Variants in CDK4 observed in about 807,000 individuals in gnomAD.
CDK4 encodes the protein cyclin dependent kinase 4.
In CDK4, 13 loss-of-function variants were observed where a neutral mutation model predicts 36.7. The observed-to-expected ratio is 0.35, with a 90% CI of 0.23 to 0.56. The LOEUF (loss-of-function observed/expected upper bound fraction) is 0.56. Ranked by LOEUF, CDK4 falls within the 20% of genes least tolerant of loss-of-function variation. The pLI is 0.85. For synonymous variants in CDK4, 158 were observed against 146.4 expected, an observed-to-expected ratio of 1.08 and a Z score of -0.57; for missense variants, 285 against 387.3, an observed-to-expected ratio of 0.74 and a Z score of 2.22.
rs779482890 is a variant in CDK4, at chr12:57,751,300, G to T, written c.261C>A (p.Ile87=). The change falls in exon 3 of 8, where the codon ATC becomes ATA. Residue 87 remains isoleucine, a synonymous_variant. Coordinates refer to ENST00000257904, the MANE Select transcript of CDK4 (RefSeq NM_000075.4). The surrounding 1 kb of genome is among the most constrained non-coding windows in gnomAD (Gnocchi z 4.5). The part of the protein sequence containing the change: ...VCATSRTDRE[I]KVTLVFEHVD... ...CATGCTCAAACACCAGGGTTACCTTGATCTCCCGGTCAGTTCGGGATGTGG... is the reference window on the plus strand; with the variant it reads ...CATGCTCAAACACCAGGGTTACCTTTATCTCCCGGTCAGTTCGGGATGTGG... The T allele has an allele frequency of 3.1e-6, 5 of 1,614,140 alleles. No individual in the cohort carries two copies. Among genetic ancestry groups the T allele is most frequent in the Non-Finnish European group, 4.2e-6 (5 of 1,180,024 alleles).
At position 57,748,305 on chromosome 12, in the gene CDK4, C is replaced by A; in HGVS notation, c.*220G>T. 1 of 549,188 alleles carries A rather than the reference C, an allele frequency of 1.8e-6. No individual in the cohort carries two copies. The highest frequency in any genetic ancestry group is 1.9e-5 in the South Asian group (1 of 52,192). 34.0% of individuals were successfully genotyped at this position (549,188 alleles called of 1,614,324 possible). On this transcript the variant is annotated 3_prime_UTR_variant, in exon 8 of 8. Transcript: ENST00000257904. ...CCAAATATAAAGGTAGGGAAAGGGACAAGAGGGAACATACCCCTTAGTGTA... is the reference window on the plus strand; with the variant it reads ...CCAAATATAAAGGTAGGGAAAGGGAAAAGAGGGAACATACCCCTTAGTGTA...
At position 57,750,904 on chromosome 12, in the gene CDK4, G is replaced by A. The variant is rs1955228699; in HGVS notation, c.522+19C>T. The A allele has an allele frequency of 1.4e-5, 23 of 1,613,930 alleles. No homozygotes were observed. Among genetic ancestry groups the A allele is most frequent in the Non-Finnish European group, 1.8e-5 (21 of 1,179,960 alleles). On this transcript the variant is annotated intron_variant, in intron 4 of 7. Transcript: ENST00000257904. ...CTACTCCCAACCAGAACCCATTTTG[G>A]TACCATCTTTCTACTGACCACGGGT...
In CDK4 at chr12:57,751,263, G is replaced by A. The variant is rs2140387347; in HGVS notation, c.298C>T (p.Leu100=). The part of the protein sequence containing the change: ...TLVFEHVDQD[L]RTYLDKAPPP... ...GGTGCCTTGTCCAGATATGTCCTTA[G>A]GTCCTGGTCTACATGCTCAAACACC... Residue 100 remains leucine, a synonymous_variant, in exon 3 of 8, where the codon CTA becomes TTA. Transcript: ENST00000257904. The surrounding 1 kb of genome is among the most constrained non-coding windows in gnomAD (Gnocchi z 4.5). 1 of 1,614,150 alleles carries A rather than the reference G, an allele frequency of 6.2e-7. No homozygotes were observed. Among genetic ancestry groups the A allele is most frequent in the Non-Finnish European group, 8.5e-7 (1 of 1,180,022 alleles).
At chr12:57,748,670 A>C (rs1565805299) in intron 7 of CDK4, 53 bp from the exon 8 acceptor site, 2 of 1,190,646 alleles carry the variant, frequency 1.7e-6, no homozygotes, top group Non-Finnish European at 2.5e-6. Context: ...ACTTCTGCCC[A>C]CCCACAACAA....
intron 6 of CDK4, 35 bp downstream of exon 6, chr12:57,749,419 A>G (rs2140383627): frequency 6.2e-7 from 1 of 1,613,714 alleles, no homozygotes; most frequent in East Asian, 2.2e-5. Context: ...AGGACTCAGA[A>G]TAGAAAATCT....
At position 57,747,961 on chromosome 12, in the gene CDK4, C is replaced by T. The variant is rs560181586; in HGVS notation, c.*564G>A. ...TTCACCATGTTAGTCAGGCTGGTCT[C>T]GAACTCCTGACCTCAGGTGATCCAC... is the stretch of plus-strand genomic sequence containing the variant. On this transcript the variant is annotated 3_prime_UTR_variant, in exon 8 of 8. Coordinates refer to ENST00000257904, the MANE Select transcript of CDK4 (RefSeq NM_000075.4). 5 of 201,492 alleles carry T rather than the reference C, an allele frequency of 2.5e-5. No homozygotes were observed. The highest frequency in any genetic ancestry group is 8.2e-5 in the East Asian group (1 of 12,142). The allele number at this position is 201,492 out of a possible 1,614,324, so 12.5% of individuals were successfully genotyped here.
Position 57,748,175 on chromosome 12 carries a change from T to C in CDK4, c.*350A>G, listed in dbSNP as rs1955181278. On this transcript the variant is annotated 3_prime_UTR_variant, in exon 8 of 8. Transcript: ENST00000257904. ...CAGGAAAGTCCCTTCTTCCAAGTGG[T>C]TTTTCCAAATCGCACAATGGCAAAG... The C allele has an allele frequency of 2.9e-6, 1 of 346,374 alleles. No individual in the cohort carries two copies. Among genetic ancestry groups the C allele is most frequent in the Non-Finnish European group, 5.4e-6 (1 of 186,264 alleles). The allele number at this position is 346,374 out of a possible 1,614,324, so 21.5% of individuals were successfully genotyped here.
rs2227954 is a variant in CDK4 at position 57,748,551 on chromosome 12, G to A, written c.886C>T (p.His296Tyr). Residue 296 changes from histidine (H) to tyrosine (Y), a missense_variant, in exon 8 of 8, where the codon CAT (histidine) becomes TAT (tyrosine). Coordinates refer to ENST00000257904, the MANE Select transcript of CDK4 (RefSeq NM_000075.4). ...CACTCCGGATTACCTTCATCCTTATGTAGATAAGAGTGCTGCAGAGCTCGA... is the reference window on the plus strand; with the variant it reads ...CACTCCGGATTACCTTCATCCTTATATAGATAAGAGTGCTGCAGAGCTCGA... The part of the protein sequence containing the change: ...AFRALQHSYL[H>Y]KDEGNPE 7.6e-5 allele frequency: 122 copies of A among 1,613,370 alleles called. No individual in the cohort carries two copies. The highest frequency in any genetic ancestry group is 9.8e-5 in the Non-Finnish European group (115 of 1,179,468).
rs1955242061 is a variant in CDK4, at chr12:57,751,864, G to C, written c.-19-128C>G. 8 of 707,280 alleles carry C rather than the reference G, an allele frequency of 1.1e-5. No homozygotes were observed. The highest frequency in any genetic ancestry group is 2.0e-5 in the Non-Finnish European group (8 of 403,082). 43.8% of individuals were successfully genotyped at this position (707,280 alleles called of 1,614,324 possible). On this transcript the variant is annotated intron_variant, in intron 1 of 7. Coordinates refer to ENST00000257904, the MANE Select transcript of CDK4 (RefSeq NM_000075.4). This position sits in a 1 kb window ranked among gnomAD's most constrained non-coding sequence, Gnocchi z 4.5. ...ACCAGCATCCCATCCCCCGCTCCCA[G>C]TCTTCCTTGGGGCCGGCCCCAGAGA...
rs920277561 is a variant in CDK4, at chr12:57,751,592, T to G, written c.126A>C (p.Gly42=). ...VALKSVRVPN[G]GGGGGGLPIS... is the part of the protein sequence containing the mutation. The stretch of plus-strand genomic sequence containing the variant: ...TGGGAAGGCCTCCTCCACCTCCTCC[T>G]CCATTGGGGACTCTCACACTCTTGA... The change falls in exon 2 of 8, where the codon GGA becomes GGC. Residue 42 remains glycine, a synonymous_variant. Transcript: ENST00000257904. The surrounding 1 kb of genome is among the most constrained non-coding windows in gnomAD (Gnocchi z 4.5). The G allele has an allele frequency of 1.2e-5, 19 of 1,613,912 alleles. No individual in the cohort carries two copies. The highest frequency in any genetic ancestry group is 1.6e-5 in the Non-Finnish European group (19 of 1,179,936).
chr12:57,748,728 C>G, intron 7 of CDK4, 111 bp from the exon 8 acceptor site: 1 of 727,810 alleles, frequency 1.4e-6, no homozygotes, highest in South Asian at 1.5e-5. Context: ...TTTTTTGAGA[C>G]GGAGTCTCGC....
At position 57,751,714 on chromosome 12, in the gene CDK4, C is replaced by T. The variant is rs1483991096; in HGVS notation, c.4G>A (p.Ala2Thr). 1.9e-6 allele frequency: 3 copies of T among 1,614,058 alleles called. No homozygotes were observed. Among genetic ancestry groups the T allele is most frequent in the South Asian group, 2.2e-5 (2 of 91,072 alleles). Reference protein sequence around the residue: MATSRYEPVAEI... With the variant: MTTSRYEPVAEI... ...GCCACTGGCTCATATCGAGAGGTAG[C>T]CATTCTCAGATCAAGGGAGACCCTA... Residue 2 changes from alanine (A) to threonine (T), a missense_variant, in exon 2 of 8, where the codon GCT (alanine) becomes ACT (threonine). Physicochemically the swap from Ala to Thr is moderately conservative, Grantham distance 58 (BLOSUM62 0). Coordinates refer to ENST00000257904, the MANE Select transcript of CDK4 (RefSeq NM_000075.4). This position sits in a 1 kb window ranked among gnomAD's most constrained non-coding sequence, Gnocchi z 4.5.
rs781527596 is a variant in CDK4, at chr12:57,751,668, T to C, written c.50A>G (p.Tyr17Cys). The C allele has an allele frequency of 1.2e-6, 2 of 1,614,014 alleles. No homozygotes were observed. Among genetic ancestry groups the C allele is most frequent in the Non-Finnish European group, 1.7e-6 (2 of 1,180,004 alleles). ...EPVAEIGVGA[Y>C]GTVYKARDPH... ...ATCACGGGCCTTGTACACTGTCCCA[T>C]AGGCACCGACACCAATTTCAGCCAC... The change falls in exon 2 of 8, where the codon TAT becomes TGT. Residue 17 changes from tyrosine to cysteine, a missense_variant. By Grantham distance (194) the Tyr-to-Cys change is radical. Transcript: ENST00000257904. This position sits in a 1 kb window ranked among gnomAD's most constrained non-coding sequence, Gnocchi z 4.5.
At chr12:57,752,062 C>G (rs1955243849) in intron 1 of CDK4, 113 bp downstream of exon 1, 1 of 386,582 alleles carries the variant, frequency 2.6e-6, no homozygotes, top group Non-Finnish European at 4.9e-6. Context: ...CCACAAAGGC[C>G]CCACTTCCCG....
chr12:57,748,437 G>T lies in CDK4; in HGVS notation c.*88C>A. On this transcript the variant is annotated 3_prime_UTR_variant, in exon 8 of 8. Coordinates refer to ENST00000257904, the MANE Select transcript of CDK4 (RefSeq NM_000075.4). Reference sequence around the variant, plus strand: ...GAAAGATGGAGGAGGACCCTCCATAGCCTCAGAGATAAAGGCAAAGATTGC... The same window carrying T: ...GAAAGATGGAGGAGGACCCTCCATATCCTCAGAGATAAAGGCAAAGATTGC... The T allele has an allele frequency of 1.1e-6, 1 of 946,250 alleles. No homozygotes were observed. 58.6% of individuals were successfully genotyped at this position (946,250 alleles called of 1,614,324 possible). A position where few individuals can be genotyped will look rare whatever the true frequency, so the allele number is the denominator to read the frequency against.
Position 57,751,358 on chromosome 12 carries a change from GCTCACTTTTCAATCCC to G in CDK4, c.219-32_219-17del, listed in dbSNP as rs777917440. The G allele has an allele frequency of 6.2e-7, 1 of 1,613,946 alleles. No individual in the cohort carries two copies. The highest frequency in any genetic ancestry group is 2.2e-5 in the East Asian group (1 of 44,874). On this transcript the variant is annotated splice_polypyrimidine_tract_variant and intron_variant, in intron 2 of 7. Coordinates refer to ENST00000257904, the MANE Select transcript of CDK4 (RefSeq NM_000075.4). This position sits in a 1 kb window ranked among gnomAD's most constrained non-coding sequence, Gnocchi z 4.5. ...GTCCATCAGCCTGACCAGAGTAAAT[GCTCACTTTTCAATCCC>G]CTTTAACCCAACATGGCCTCTCATT...
At position 57,748,582 on chromosome 12, in the gene CDK4, A is replaced by C; in HGVS notation, c.855T>G (p.Ser285=). ...AAGAGTGCTGCAGAGCTCGAAAGGC[A>C]GAGATTCGCTTGTGTGGGTTAAAAG... ...MLTFNPHKRI[S]AFRALQHSYL... The change falls in exon 8 of 8, where the codon TCT becomes TCG. Residue 285 remains serine, a synonymous_variant. Coordinates refer to ENST00000257904, the MANE Select transcript of CDK4 (RefSeq NM_000075.4). 6.2e-7 allele frequency: 1 copy of C among 1,614,002 alleles called. No homozygotes were observed. The highest frequency in any genetic ancestry group is 8.5e-7 in the Non-Finnish European group (1 of 1,179,848).
At chr12:57,750,144 A>G (rs1487874911) in intron 5 of CDK4, 4 of 148,058 alleles carry the variant, frequency 2.7e-5, no homozygotes, top group African/African-American at 1.0e-4. Flanking sequence ...ACAGAGTGAA[A>G]CCTTATCTCA....
Position 57,749,495 on chromosome 12 carries a change from G to A in CDK4, c.642C>T (p.Phe214=), listed in dbSNP as rs755091270. 1 of 1,614,168 alleles carries A rather than the reference G, an allele frequency of 6.2e-7. No homozygotes were observed. Among genetic ancestry groups the A allele is most frequent in the Non-Finnish European group, 8.5e-7 (1 of 1,179,974 alleles). ...FAEMFRRKPL[F]CGNSEADQLG... Reference sequence around the variant, plus strand: ...ACTGGTCGGCTTCAGAGTTTCCACAGAAGAGAGGCCTAAGGTGAGAAGGGA... The same window carrying A: ...ACTGGTCGGCTTCAGAGTTTCCACAAAAGAGAGGCCTAAGGTGAGAAGGGA... Residue 214 remains phenylalanine (F), a synonymous_variant, in exon 6 of 8, where the codon TTC becomes TTT. Coordinates refer to ENST00000257904, the MANE Select transcript of CDK4 (RefSeq NM_000075.4).
Sources: allele counts gnomAD v4.1 joint callset, GRCh38; gene constraint gnomAD v4.1.1; non-coding constraint Gnocchi (gnomAD v3.1); transcripts MANE v1.5; gene names NCBI Gene and HGNC (gene_info 2026-07-23, HGNC 2026-07-21).